The following KCNN3 variants were observed in gnomAD, a reference collection of about 807,000 sequenced individuals.
KCNN3 encodes potassium calcium-activated channel subfamily N member 3.
Under a neutral mutation model 62.9 loss-of-function variants are expected in KCNN3, and 16 were observed. The observed-to-expected ratio is 0.25, with a 90% CI of 0.17 to 0.39. KCNN3 has a LOEUF of 0.39. Among genes scored for constraint, KCNN3 ranks in the 10% least tolerant of loss-of-function variants. KCNN3 has a pLI of 1.00. For synonymous variants in KCNN3, 370 were observed against 389.2 expected, an observed-to-expected ratio of 0.95 and a Z score of 0.58; for missense variants, 599 against 949.4, an observed-to-expected ratio of 0.63 and a Z score of 4.85.
At chr1:154,721,591 G>A (rs1003800558) in intron 5 of KCNN3, among the ~76,000 whole-genome samples, 3 of 152,018 alleles carry the variant, frequency 2.0e-5, no homozygotes, top group African/African-American at 7.2e-5. Flanking sequence ...GTGAGCCACC[G>A]CACCCGGCCC....
intron 1 of KCNN3, among the ~76,000 whole-genome samples, chr1:154,827,302 C>T (rs939642105): frequency 2.0e-5 from 3 of 152,232 alleles, no homozygotes; most frequent in Non-Finnish European, 2.9e-5. Flanking sequence ...AAACCAGCCC[C>T]TCTTCCGCTA....
intron 2 of KCNN3, 42 bp downstream of exon 2, chr1:154,822,047 A>C: frequency 1.3e-6 from 2 of 1,481,628 alleles, no homozygotes; most frequent in Non-Finnish European, 1.9e-6. Context: ...GCAAGGCCAA[A>C]GGATCAGCCG....
intron 5 of KCNN3, among the ~76,000 whole-genome samples, chr1:154,715,917 G>A (rs1285140481): frequency 1.3e-5 from 2 of 152,202 alleles, no homozygotes; most frequent in Non-Finnish European, 2.9e-5. Flanking sequence ...GTACCAACGA[G>A]CCCATTGTCT....
intron 3 of KCNN3, among the ~76,000 whole-genome samples, chr1:154,749,304 C>T (rs6698628): frequency 2.5e-3 from 379 of 152,298 alleles, no homozygotes; most frequent in Non-Finnish European, 4.3e-3. Context: ...AAAGAAAAGA[C>T]GGGTGTCTTG....
intron 3 of KCNN3, among the ~76,000 whole-genome samples, chr1:154,755,517 AAGAAAG>A (rs1207628044): frequency 1.1e-5 from 1 of 89,230 alleles, no homozygotes; most frequent in Non-Finnish European, 2.7e-5. Flanking sequence ...GAAAGAAAGA[AAGAAAG>A]AAAGAAGAAG....
chr1:154,769,122 C>T (rs1028338233), intron 3 of KCNN3, among the ~76,000 whole-genome samples: 23 of 151,892 alleles, frequency 1.5e-4, no homozygotes, highest in African/African-American at 5.3e-4. Flanking sequence ...TCAAACACAT[C>T]CATGTAGTGG....
At chr1:154,773,430 A>G (rs983059871) in intron 2 of KCNN3, among the ~76,000 whole-genome samples, 5 of 152,242 alleles carry the variant, frequency 3.3e-5, no homozygotes, top group African/African-American at 1.2e-4. Context: ...AAAACCTGAG[A>G]AGGGCGTCCT....
intron 3 of KCNN3, among the ~76,000 whole-genome samples, chr1:154,767,916 A>G (rs1648371100): frequency 6.6e-6 from 1 of 152,186 alleles, no homozygotes; most frequent in Non-Finnish European, 1.5e-5. Context: ...ATAAAAACCA[A>G]CCCAAGATAT....
At chr1:154,769,359 A>G (rs1557966489) in intron 3 of KCNN3, among the ~76,000 whole-genome samples, 1 of 152,224 alleles carries the variant, frequency 6.6e-6, no homozygotes. Flanking sequence ...GGGAACTTTC[A>G]GAGAATTTCC....
At chr1:154,850,570 G>T (rs1405832631) in intron 1 of KCNN3, among the ~76,000 whole-genome samples, 1 of 152,232 alleles carries the variant, frequency 6.6e-6, no homozygotes, top group African/African-American at 2.4e-5. Context: ...CCCTCTGCAG[G>T]CTTTGGACAT....
rs12404415 is a variant in KCNN3 at position 154,826,460 on chromosome 1, A to G, written c.934-4276T>C. On this transcript the variant is annotated intron_variant, in intron 1 of 7. Transcript: ENST00000271915. ...TCTCAGAAGTTAGGTAACTTGTCCA[A>G]GGGCATGTTACCTAACTTCTCACCA... 7.8e-3 allele frequency among the ~76,000 whole-genome samples: 1,182 copies of G among 151,520 alleles called. 43 individuals carry two copies. Among genetic ancestry groups the G allele is most frequent in the East Asian group, 0.064 (329 of 5,154 alleles).
chr1:154,745,234 C>A (rs1215553146), intron 3 of KCNN3, among the ~76,000 whole-genome samples: 1 of 152,206 alleles, frequency 6.6e-6, no homozygotes, highest in Non-Finnish European at 1.5e-5. Context: ...GCCCTAAGAA[C>A]TAACAGCATG....
At chr1:154,737,250 G>A (rs1226746686) in intron 3 of KCNN3, among the ~76,000 whole-genome samples, 2 of 151,910 alleles carry the variant, frequency 1.3e-5, no homozygotes, top group East Asian at 3.9e-4. Context: ...AGGCTGAGGA[G>A]GAAAAGATGT....
intron 2 of KCNN3, among the ~76,000 whole-genome samples, chr1:154,802,404 A>G (rs1271057192): frequency 2.0e-5 from 3 of 152,178 alleles, no homozygotes; most frequent in African/African-American, 7.2e-5. Flanking sequence ...GAAAAAACAC[A>G]GGGAGCAGGG....
intron 1 of KCNN3, among the ~76,000 whole-genome samples, chr1:154,848,999 A>G (rs991961420): frequency 4.6e-5 from 7 of 152,100 alleles, no homozygotes; most frequent in Non-Finnish European, 8.8e-5. Context: ...GCTTCAATAT[A>G]TTGGTACAGA....
chr1:154,869,305 G>T lies in KCNN3; in HGVS notation c.660C>A (p.Val220=). The T allele has an allele frequency of 6.2e-7, 1 of 1,613,732 alleles. No homozygotes were observed. The highest frequency in any genetic ancestry group is 1.1e-5 in the South Asian group (1 of 91,070). ...LFSPSNPPEI[V]ISSREDNHAH... Reference sequence around the variant, plus strand: ...CATGGTTGTCCTCCCGGGAGGAGATGACGATCTCCGGGGGGTTGCTAGGGC... The same window carrying T: ...CATGGTTGTCCTCCCGGGAGGAGATTACGATCTCCGGGGGGTTGCTAGGGC... The change falls in exon 1 of 8, where the codon GTC becomes GTA. Residue 220 remains valine (V), a synonymous_variant. Coordinates refer to ENST00000271915, the MANE Select transcript of KCNN3 (RefSeq NM_002249.6). The surrounding 1 kb of genome is among the most constrained non-coding windows in gnomAD (Gnocchi z 6.1).
chr1:154,748,938 C>T (rs1389167512), intron 3 of KCNN3, among the ~76,000 whole-genome samples: 3 of 152,134 alleles, frequency 2.0e-5, no homozygotes, highest in Non-Finnish European at 4.4e-5. Flanking sequence ...AGTGGCAGGG[C>T]CCGAGTGTGT....
chr1:154,741,778 T>G (rs984909120), intron 3 of KCNN3, among the ~76,000 whole-genome samples: 2 of 151,756 alleles, frequency 1.3e-5, no homozygotes, highest in African/African-American at 4.8e-5. Context: ...CCATTTGTCC[T>G]GGGTCTGATT....
chr1:154,820,219 G>A (rs1163296708), intron 2 of KCNN3, among the ~76,000 whole-genome samples: 1 of 152,218 alleles, frequency 6.6e-6, no homozygotes, highest in Non-Finnish European at 1.5e-5. Context: ...ACCAGAACAG[G>A]CTGAGAGCTA....
Sources: allele counts gnomAD v4.1 joint callset (sites outside exome capture counted in the v4.1 genomes callset), GRCh38; gene constraint gnomAD v4.1.1; non-coding constraint Gnocchi (gnomAD v3.1); transcripts MANE v1.5; gene names NCBI Gene and HGNC (gene_info 2026-07-23, HGNC 2026-07-21).